MTPN: variants seen among roughly 807,000 people sequenced by gnomAD.
MTPN encodes the protein myotrophin, also known as granule cell differentiation protein.
In MTPN, 2 loss-of-function variants were observed where a neutral mutation model predicts 13.5. The observed-to-expected ratio is 0.15, with a 90% CI of 0.06 to 0.47. The LOEUF (loss-of-function observed/expected upper bound fraction) is 0.47, where lower values mean the gene tolerates loss of function less well. Ranked by LOEUF, MTPN falls within the 20% of genes least tolerant of loss-of-function variation. MTPN has a pLI of 0.97. For missense variants in MTPN, 79 were observed against 137.9 expected, an observed-to-expected ratio of 0.57 and a Z score of 2.14; for synonymous variants, 46 against 51.7, an observed-to-expected ratio of 0.89 and a Z score of 0.48.
chr7:135,948,939 G>A (rs1268657732), intron 3 of MTPN, among the ~76,000 whole-genome samples: 5 of 152,238 alleles, frequency 3.3e-5, no homozygotes, highest in African/African-American at 7.2e-5. Flanking sequence ...GGGAAAAGGC[G>A]GGAACGAAGG....
Position 135,950,048 on chromosome 7 carries a change from C to T in MTPN, c.270+551G>A, listed in dbSNP as rs77107182. Among the ~76,000 whole-genome samples, 1,202 of 152,208 alleles carry T rather than the reference C, an allele frequency of 7.9e-3. 12 individuals carry two copies. Among genetic ancestry groups the T allele is most frequent in the Non-Finnish European group, 0.013 (904 of 67,998 alleles). On this transcript the variant is annotated intron_variant, in intron 3 of 3. Coordinates refer to ENST00000393085, the MANE Select transcript of MTPN (RefSeq NM_145808.4). ...GCAACTAAATGGTTAATTTCTGAGT[C>T]TGGATTTTGAACTCCATCTAAGGGC...
rs905593246 is a variant in MTPN at position 135,977,176 on chromosome 7, C to A, written c.-76G>T. The stretch of plus-strand genomic sequence containing the variant: ...GCAGCAGCAAGCGGATGCCGCCGGG[C>A]GAGAGGGAGGCAGGGCCGCGCGAAG... On this transcript the variant is annotated 5_prime_UTR_variant, in exon 1 of 4. Transcript: ENST00000393085. The A allele has an allele frequency of 2.0e-6, 3 of 1,482,394 alleles. No homozygotes were observed. In the African/African-American group the frequency reaches 4.1e-5, roughly 20 times the overall value. The allele number at this position is 1,482,394 out of a possible 1,614,324, so 91.8% of individuals were successfully genotyped here.
chr7:135,967,287 CA>C lies in MTPN; in HGVS notation c.72+9741del, dbSNP rs1167302864. Among the ~76,000 whole-genome samples, 17 of 152,186 alleles carry C rather than the reference CA, an allele frequency of 1.1e-4. No homozygotes were observed. The East Asian group carries it at 2.7e-3, about 24-fold the overall frequency. ...AATAAAAAAGTTCTATATTAGATGT[CA>C]CCAAGAAACAATAAACTGCACAAGC... On this transcript the variant is annotated intron_variant, in intron 1 of 3. Coordinates refer to ENST00000393085, the MANE Select transcript of MTPN (RefSeq NM_145808.4).
intron 3 of MTPN, among the ~76,000 whole-genome samples, chr7:135,949,416 G>A (rs1022790679): frequency 6.6e-6 from 1 of 152,014 alleles, no homozygotes; most frequent in Non-Finnish European, 1.5e-5. Flanking sequence ...ATCCACTAGC[G>A]GCAAAGAGTA....
Position 135,977,269 on chromosome 7 carries a change from G to C in MTPN, c.-169C>G. 1 of 663,758 alleles carries C rather than the reference G, an allele frequency of 1.5e-6. No individual in the cohort carries two copies. The highest frequency in any genetic ancestry group is 2.7e-5 in the East Asian group (1 of 37,222). The allele number at this position is 663,758 out of a possible 1,614,324, so 41.1% of individuals were successfully genotyped here. On this transcript the variant is annotated 5_prime_UTR_variant, in exon 1 of 4. Transcript: ENST00000393085. Reference sequence around the variant, plus strand: ...GGCGAGGCAGTTGGCCGCGGCGACCGTTCGGGCGGGAGAAAGAAAGTTCTT... The same window carrying C: ...GGCGAGGCAGTTGGCCGCGGCGACCCTTCGGGCGGGAGAAAGAAAGTTCTT...
intron 3 of MTPN, chr7:135,932,104 C>T (rs1799031452): frequency 6.6e-6 from 1 of 151,992 alleles, no homozygotes; most frequent in South Asian, 2.1e-4. Flanking sequence ...TTTCTGTTCC[C>T]CTTAACCATT....
At chr7:135,951,678 G>T in intron 1 of MTPN, 48 bp from the exon 2 acceptor site, 1 of 1,295,254 alleles carries the variant, frequency 7.7e-7, no homozygotes, top group Non-Finnish European at 1.1e-6. Flanking sequence ...ATGGAAGACT[G>T]AAGAAGTGAA....
intron 1 of MTPN, among the ~76,000 whole-genome samples, chr7:135,956,126 TA>T (rs1347986611): frequency 2.0e-5 from 3 of 152,166 alleles, no homozygotes; most frequent in African/African-American, 7.2e-5. Flanking sequence ...ATCCCATGGT[TA>T]GGGGGGTGCT....
At chr7:135,945,300 T>C (rs1469171273) in intron 3 of MTPN, among the ~76,000 whole-genome samples, 1 of 151,840 alleles carries the variant, frequency 6.6e-6, no homozygotes, top group African/African-American at 2.4e-5. Context: ...AAAATTTTCT[T>C]TTTTCAGCAA....
chr7:135,942,622 ATAAGT>A (rs1278403486), intron 3 of MTPN, among the ~76,000 whole-genome samples: 4 of 152,248 alleles, frequency 2.6e-5, no homozygotes, highest in Admixed American at 6.5e-5. Context: ...CGGTGATTAA[ATAAGT>A]TAATATACAC....
chr7:135,963,277 C>G (rs1453498772), intron 1 of MTPN, among the ~76,000 whole-genome samples: 3 of 151,946 alleles, frequency 2.0e-5, no homozygotes, highest in Non-Finnish European at 4.4e-5. Context: ...ATAGTCCCTC[C>G]TTTCCTAATA....
At chr7:135,974,162 C>T (rs907864704) in intron 1 of MTPN, among the ~76,000 whole-genome samples, 10 of 152,138 alleles carry the variant, frequency 6.6e-5, no homozygotes, top group African/African-American at 2.4e-4. Flanking sequence ...TTTAGGGATA[C>T]TCACACTTCG....
intron 1 of MTPN, among the ~76,000 whole-genome samples, chr7:135,959,576 G>A (rs1799492574): frequency 1.3e-5 from 2 of 152,276 alleles, no homozygotes; most frequent in South Asian, 4.1e-4. Flanking sequence ...TTATTCTCAT[G>A]AAAATTTGGT....
At chr7:135,960,792 G>C (rs768432775) in intron 1 of MTPN, 2 of 151,492 alleles carry the variant, frequency 1.3e-5, no homozygotes, top group African/African-American at 2.4e-5. Flanking sequence ...GCAAATTCAT[G>C]AAACAGTCCA....
chr7:135,951,069 C>A (rs989178640), intron 2 of MTPN, among the ~76,000 whole-genome samples: 5 of 152,208 alleles, frequency 3.3e-5, no homozygotes, highest in African/African-American at 1.2e-4. Flanking sequence ...GGCCGGGTAG[C>A]ATGGCATCCC....
At chr7:135,975,764 A>G (rs535022957) in intron 1 of MTPN, among the ~76,000 whole-genome samples, 1 of 152,368 alleles carries the variant, frequency 6.6e-6, no homozygotes, top group South Asian at 2.1e-4. Flanking sequence ...CTACCAGCTG[A>G]GAAGGCAGTG....
intron 3 of MTPN, among the ~76,000 whole-genome samples, chr7:135,943,199 C>T (rs1420752166): frequency 6.6e-6 from 1 of 152,190 alleles, no homozygotes; most frequent in South Asian, 2.1e-4. Flanking sequence ...GGGGGAATAT[C>T]TGAAGCTATT....
At chr7:135,958,749 T>C (rs1799480786) in intron 1 of MTPN, among the ~76,000 whole-genome samples, 1 of 152,208 alleles carries the variant, frequency 6.6e-6, no homozygotes, top group African/African-American at 2.4e-5. Flanking sequence ...GCTGTTATCC[T>C]GAATTTGAGT....
intron 1 of MTPN, among the ~76,000 whole-genome samples, chr7:135,974,181 T>C (rs1378771615): frequency 1.3e-5 from 2 of 152,158 alleles, no homozygotes; most frequent in Non-Finnish European, 2.9e-5. Flanking sequence ...CGAACTTTAA[T>C]AGAGAAGTCA....
Sources: allele counts gnomAD v4.1 joint callset (sites outside exome capture counted in the v4.1 genomes callset), GRCh38; gene constraint gnomAD v4.1.1; transcripts MANE v1.5; gene names NCBI Gene and HGNC (gene_info 2026-07-23, HGNC 2026-07-21).